Variants in PTPRK observed in about 807,000 individuals in gnomAD.
PTPRK encodes the protein protein tyrosine phosphatase receptor type K.
PTPRK carries 75 observed loss-of-function variants against 178.0 expected under a neutral mutation model. That is an observed-to-expected ratio of 0.42 (90% CI 0.35 to 0.51). The LOEUF (loss-of-function observed/expected upper bound fraction) is 0.51, where lower values mean the gene tolerates loss of function less well. PTPRK is among the 20% of genes least tolerant of loss of function. The pLI is 0.02. For synonymous variants in PTPRK, 637 were observed against 620.6 expected (o/e 1.03, Z -0.39); for missense variants, 1,441 against 1,797.8 (o/e 0.80, Z 3.59).
intron 2 of PTPRK, among the ~76,000 whole-genome samples, chr6:128,391,928 C>A (rs879835224): frequency 4.6e-5 from 7 of 151,712 alleles, no homozygotes; most frequent in Admixed American, 4.6e-4. Context: ...TTATGGACAC[C>A]CATGTCTTAT....
At chr6:128,243,505 A>AAAAAAAAAAAAAAG in intron 3 of PTPRK, among the ~76,000 whole-genome samples, 1 of 148,208 alleles carries the variant, frequency 6.7e-6, no homozygotes, top group African/African-American at 2.6e-5. Context: ...AAAAAAAAAA[A>AAAAAAAAAAAAAAG]AAAAAAAAGA....
chr6:128,307,214 C>T lies in PTPRK; in HGVS notation c.495+14825G>A, dbSNP rs189485799. 4.3e-3 allele frequency among the ~76,000 whole-genome samples: 644 copies of T among 149,350 alleles called. 3 individuals carry two copies. Among genetic ancestry groups the T allele is most frequent in the Non-Finnish European group, 6.8e-3 (459 of 67,326 alleles). On this transcript the variant is annotated intron_variant, in intron 3 of 29. Coordinates refer to ENST00000368226, the MANE Select transcript of PTPRK (RefSeq NM_002844.4). ...ATACACACACACACACATAGACACA[C>T]ACATACAAGACAAACACAGAGAAAC...
chr6:127,971,793 G>T (rs1773929591), intron 29 of PTPRK, among the ~76,000 whole-genome samples: 1 of 152,106 alleles, frequency 6.6e-6, no homozygotes, highest in South Asian at 2.1e-4. Context: ...AGTCAGAAAT[G>T]ATCCCACTGA....
At chr6:128,450,635 A>T (rs1043845827) in intron 1 of PTPRK, among the ~76,000 whole-genome samples, 3 of 152,212 alleles carry the variant, frequency 2.0e-5, no homozygotes, top group Non-Finnish European at 4.4e-5. Context: ...CTTGGTTGGT[A>T]AAACTGTTGA....
chr6:128,520,195 C>G (rs1042575534), intron 1 of PTPRK, 64 bp downstream of exon 1: 1 of 1,397,344 alleles, frequency 7.2e-7, no homozygotes, highest in African/African-American at 1.4e-5. Flanking sequence ...TAGCGGGGAC[C>G]TGGCTCACCC....
Position 128,435,837 on chromosome 6 carries a change from T to G in PTPRK, c.101-38149A>C, listed in dbSNP as rs551627253. Among the ~76,000 whole-genome samples the G allele has an allele frequency of 2.8e-3, 431 of 152,296 alleles. 3 individuals carry two copies. Among genetic ancestry groups the G allele is most frequent in the African/African-American group, 9.7e-3 (402 of 41,566 alleles). On this transcript the variant is annotated intron_variant, in intron 1 of 29. Coordinates refer to ENST00000368226, the MANE Select transcript of PTPRK (RefSeq NM_002844.4). ...ACAATGAAAGTAAGTTGTTGTGTGC[T>G]TTCTAGTCATCAAAAGTGTTCTAAT...
At chr6:128,295,413 A>T (rs1032815551) in intron 3 of PTPRK, among the ~76,000 whole-genome samples, 1 of 151,944 alleles carries the variant, frequency 6.6e-6, no homozygotes, top group Non-Finnish European at 1.5e-5. Flanking sequence ...ATTTTTTTTT[A>T]AATTGGTGCT....
At chr6:128,216,128 T>C (rs961466175) in intron 6 of PTPRK, among the ~76,000 whole-genome samples, 2 of 152,114 alleles carry the variant, frequency 1.3e-5, no homozygotes, top group Non-Finnish European at 2.9e-5. Context: ...ACTATCAAAA[T>C]ATATTTCTAA....
At chr6:128,136,566 C>G (rs969941612) in intron 7 of PTPRK, among the ~76,000 whole-genome samples, 1 of 152,138 alleles carries the variant, frequency 6.6e-6, no homozygotes, top group Non-Finnish European at 1.5e-5. Context: ...TTGTTGCCTT[C>G]TCATGTGAAG....
At chr6:128,474,134 C>T (rs1851077473) in intron 1 of PTPRK, among the ~76,000 whole-genome samples, 1 of 151,954 alleles carries the variant, frequency 6.6e-6, no homozygotes, top group South Asian at 2.1e-4. Flanking sequence ...TTCAATTATA[C>T]CCTTGAGTCT....
chr6:128,192,468 G>T (rs1453581631), intron 6 of PTPRK, among the ~76,000 whole-genome samples: 2 of 152,120 alleles, frequency 1.3e-5, no homozygotes, highest in East Asian at 3.9e-4. Flanking sequence ...TATTATTATA[G>T]AATGAATGAC....
intron 1 of PTPRK, among the ~76,000 whole-genome samples, chr6:128,493,183 G>C (rs1854079467): frequency 6.6e-6 from 1 of 152,032 alleles, no homozygotes; most frequent in Non-Finnish European, 1.5e-5. Context: ...AAATTCTATT[G>C]ACCAAAATTC....
intron 2 of PTPRK, among the ~76,000 whole-genome samples, chr6:128,332,779 A>C (rs1264578601): frequency 6.6e-6 from 1 of 151,970 alleles, no homozygotes; most frequent in Non-Finnish European, 1.5e-5. Context: ...TATCCTTCCT[A>C]TTCCTCTATA....
intron 1 of PTPRK, among the ~76,000 whole-genome samples, chr6:128,467,359 C>T (rs1409104668): frequency 1.3e-5 from 2 of 152,112 alleles, no homozygotes; most frequent in Non-Finnish European, 2.9e-5. Flanking sequence ...AGATAAATAT[C>T]ACATACAAAA....
chr6:128,449,120 A>C (rs1037654936), intron 1 of PTPRK, among the ~76,000 whole-genome samples: 10 of 151,990 alleles, frequency 6.6e-5, no homozygotes. Context: ...TCGGCCTCCC[A>C]AAGTGCTGGG....
intron 2 of PTPRK, among the ~76,000 whole-genome samples, chr6:128,362,792 C>T (rs1834951576): frequency 6.6e-6 from 1 of 151,956 alleles, no homozygotes; most frequent in African/African-American, 2.4e-5. Flanking sequence ...CCTTTAATAA[C>T]AAAATTCCAA....
At chr6:128,105,130 C>CT (rs1382748903) in intron 7 of PTPRK, among the ~76,000 whole-genome samples, 1,993 of 140,736 alleles carry the variant, frequency 0.014, 47 homozygotes, top group African/African-American at 0.04. Flanking sequence ...TCACTTATTT[C>CT]TTTTTTTTTT....
chr6:128,376,960 C>G (rs908860912), intron 2 of PTPRK, among the ~76,000 whole-genome samples: 1 of 152,184 alleles, frequency 6.6e-6, no homozygotes, highest in Non-Finnish European at 1.5e-5. Flanking sequence ...ATATCATTAT[C>G]AGCATTTTGG....
intron 3 of PTPRK, among the ~76,000 whole-genome samples, chr6:128,281,141 G>C (rs1252134557): frequency 2.0e-5 from 3 of 152,102 alleles, no homozygotes; most frequent in African/African-American, 7.2e-5. Context: ...GCTGACCCCT[G>C]TAACATGATC....
Sources: allele counts gnomAD v4.1 joint callset (sites outside exome capture counted in the v4.1 genomes callset), GRCh38; gene constraint gnomAD v4.1.1; transcripts MANE v1.5; gene names NCBI Gene and HGNC (gene_info 2026-07-23, HGNC 2026-07-21).